The following UNC13C variants were observed in gnomAD, a reference collection of about 807,000 sequenced individuals.
The protein encoded by UNC13C is protein unc-13 homolog C.
A neutral mutation model predicts 245.4 loss-of-function variants in UNC13C; 174 were observed. That is an observed-to-expected ratio of 0.71 (90% CI 0.63 to 0.80). The LOEUF (loss-of-function observed/expected upper bound fraction) is 0.80, where lower values mean the gene tolerates loss of function less well. UNC13C is among the 30% of genes least tolerant of loss of function. The pLI, the probability that UNC13C is intolerant of heterozygous loss-of-function variation, is 0.00. For synonymous variants in UNC13C, 992 were observed against 895.1 expected, an observed-to-expected ratio of 1.11 and a Z score of -1.93; for missense variants, 2,829 against 2,602.9, an observed-to-expected ratio of 1.09 and a Z score of -1.89.
intron 4 of UNC13C, among the ~76,000 whole-genome samples, chr15:54,187,813 G>GTTTTGTTTTGTTTTTTT (rs1382446966): frequency 1.3e-5 from 2 of 151,662 alleles, no homozygotes; most frequent in Non-Finnish European, 2.9e-5. Context: ...TTGTTTTTTT[G>GTTTTGTTTTGTTTTTTT]TTTTGTTTTG....
At chr15:53,925,321 A>T in the UNC13C span, among the ~76,000 whole-genome samples, 1 of 152,226 alleles carries the variant, frequency 6.6e-6, no homozygotes, top group Non-Finnish European at 1.5e-5. Context: ...ATAGTCTATA[A>T]AAGAGGAAAC....
chr15:54,368,521 G>A lies in UNC13C; in HGVS notation c.4714-24527G>A, dbSNP rs113509131. On this transcript the variant is annotated intron_variant, in intron 17 of 32. Coordinates refer to ENST00000260323, the MANE Select transcript of UNC13C (RefSeq NM_001080534.3). The stretch of plus-strand genomic sequence containing the variant: ...TATGGCAAAGAAAAATTCAACAAGT[G>A]CTATTAGGTACAACCAATGAGCCCC... Among the ~76,000 whole-genome samples the A allele has an allele frequency of 7.9e-3, 1,201 of 151,858 alleles. 11 individuals carry two copies. The highest frequency in any genetic ancestry group is 0.028 in the African/African-American group (1,147 of 41,414).
intron 24 of UNC13C, among the ~76,000 whole-genome samples, chr15:54,513,103 T>C (rs538335541): frequency 1.1e-4 from 16 of 152,208 alleles, no homozygotes; most frequent in Non-Finnish European, 1.5e-4. Context: ...GCATTGATCT[T>C]ATTTTAAAAT....
chr15:54,417,172 C>T (rs1027152697), intron 19 of UNC13C: 45 of 346,918 alleles, frequency 1.3e-4, no homozygotes, highest in South Asian at 4.4e-5. Context: ...AACATATCTA[C>T]ATTGCCTATA....
At chr15:54,188,681 T>G (rs1165737734) in intron 4 of UNC13C, among the ~76,000 whole-genome samples, 1 of 152,186 alleles carries the variant, frequency 6.6e-6, no homozygotes, top group Non-Finnish European at 1.5e-5. Flanking sequence ...TTAGCCCTTA[T>G]TTGTTAAGCA....
rs527401389 is a variant in UNC13C at position 54,103,025 on chromosome 15, G to A, written c.2984-39993G>A. On this transcript the variant is annotated intron_variant, in intron 2 of 32. Transcript: ENST00000260323. Reference sequence around the variant, plus strand: ...CAGTCATTTTTCTGGAAGGAAGGTAGATTTTGTCCTCTGTGACTGAAGTTC... The same window carrying A: ...CAGTCATTTTTCTGGAAGGAAGGTAAATTTTGTCCTCTGTGACTGAAGTTC... Among the ~76,000 whole-genome samples, 8 of 152,322 alleles carry A rather than the reference G, an allele frequency of 5.3e-5. No homozygotes were observed. The South Asian group carries it at 1.7e-3, about 32-fold the overall frequency.
chr15:54,391,048 G>A (rs944545829), intron 17 of UNC13C, among the ~76,000 whole-genome samples: 16 of 152,048 alleles, frequency 1.1e-4, no homozygotes, highest in Admixed American at 5.2e-4. Context: ...TACAATTTGC[G>A]ACAGGTAAGG....
chr15:54,116,256 G>T (rs2030236687), intron 2 of UNC13C, among the ~76,000 whole-genome samples: 1 of 151,860 alleles, frequency 6.6e-6, no homozygotes, highest in South Asian at 2.1e-4. Context: ...TTAATTATTT[G>T]TCTTTTCTTT....
At chr15:54,489,449 C>A (rs1273860085) in intron 19 of UNC13C, among the ~76,000 whole-genome samples, 2 of 152,182 alleles carry the variant, frequency 1.3e-5, no homozygotes, top group South Asian at 2.1e-4. Context: ...TACACTGATA[C>A]AGTTCCAACA....
In UNC13C at chr15:54,061,325, C is replaced by G. The variant is rs894663104; in HGVS notation, c.2983+45439C>G. ...CCTCACCTAAGACAGTGAATAATGTCTCTGCTCCCTCAGAATTTAGGTGGC... is the reference window on the plus strand; with the variant it reads ...CCTCACCTAAGACAGTGAATAATGTGTCTGCTCCCTCAGAATTTAGGTGGC... On this transcript the variant is annotated intron_variant, in intron 2 of 32. Coordinates refer to ENST00000260323, the MANE Select transcript of UNC13C (RefSeq NM_001080534.3). Among the ~76,000 whole-genome samples, 9 of 152,188 alleles carry G rather than the reference C, an allele frequency of 5.9e-5. No individual in the cohort carries two copies. The South Asian group carries it at 1.9e-3, about 32-fold the overall frequency.
At chr15:54,110,378 T>C (rs953549312) in intron 2 of UNC13C, among the ~76,000 whole-genome samples, 24 of 152,298 alleles carry the variant, frequency 1.6e-4, no homozygotes, top group African/African-American at 5.8e-4. Context: ...TTCTATACCA[T>C]ATAGCAATAC....
the UNC13C span, among the ~76,000 whole-genome samples, chr15:53,926,097 G>C: frequency 6.6e-6 from 1 of 151,770 alleles, no homozygotes; most frequent in Admixed American, 6.6e-5. Context: ...ATTAAAACAA[G>C]ATGATTTAGT....
intron 4 of UNC13C, among the ~76,000 whole-genome samples, chr15:54,208,574 G>A (rs1241285124): frequency 6.6e-6 from 1 of 152,018 alleles, no homozygotes; most frequent in Non-Finnish European, 1.5e-5. Context: ...AGAAATGATA[G>A]ATAATAAAAT....
chr15:54,445,151 T>A (rs1890738043), intron 19 of UNC13C, among the ~76,000 whole-genome samples: 1 of 152,156 alleles, frequency 6.6e-6, no homozygotes, highest in Non-Finnish European at 1.5e-5. Flanking sequence ...GAACCCATCA[T>A]TTTTTATGGC....
At chr15:54,055,236 C>T (rs906390975) in intron 2 of UNC13C, among the ~76,000 whole-genome samples, 7 of 152,074 alleles carry the variant, frequency 4.6e-5, no homozygotes, top group Admixed American at 2.6e-4. Flanking sequence ...AAAAATCATG[C>T]TTATGCATTT....
chr15:54,146,188 A>G (rs1312823481), intron 4 of UNC13C, among the ~76,000 whole-genome samples: 7 of 152,182 alleles, frequency 4.6e-5, no homozygotes, highest in Admixed American at 3.9e-4. Flanking sequence ...AATAAAATGA[A>G]ATACTATTTA....
At chr15:54,188,954 T>G (rs1279527474) in intron 4 of UNC13C, among the ~76,000 whole-genome samples, 1 of 152,178 alleles carries the variant, frequency 6.6e-6, no homozygotes, top group African/African-American at 2.4e-5. Context: ...ACAATGCGTA[T>G]GCTTACATAA....
At chr15:54,593,209 A>C (rs972317924) in intron 30 of UNC13C, among the ~76,000 whole-genome samples, 3 of 152,096 alleles carry the variant, frequency 2.0e-5, no homozygotes, top group African/African-American at 7.2e-5. Context: ...TTTATAGGTT[A>C]CCTGGTGCTT....
chr15:54,490,781 C>A (rs1017271658), intron 19 of UNC13C, among the ~76,000 whole-genome samples: 1 of 151,844 alleles, frequency 6.6e-6, no homozygotes, highest in African/African-American at 2.4e-5. Context: ...AACATAGTTA[C>A]ATAATTTTGC....
Sources: allele counts gnomAD v4.1 joint callset (sites outside exome capture counted in the v4.1 genomes callset), GRCh38; gene constraint gnomAD v4.1.1; transcripts MANE v1.5; gene names NCBI Gene and HGNC (gene_info 2026-07-23, HGNC 2026-07-21).